SPAG16: variants seen among roughly 807,000 people sequenced by gnomAD.
SPAG16 encodes sperm associated antigen 16.
A neutral mutation model predicts 80.4 loss-of-function variants in SPAG16; 86 were observed. That is an observed-to-expected ratio of 1.07 (90% CI 0.90 to 1.28). SPAG16 has a LOEUF of 1.28. Ranked by LOEUF, SPAG16 falls within the 50% of genes most tolerant of loss-of-function variation. SPAG16 has a pLI of 0.00. For synonymous variants in SPAG16, 294 were observed against 265.9 expected (o/e 1.11, Z -1.03); for missense variants, 870 against 765.3 (o/e 1.14, Z -1.61).
intron 15 of SPAG16, among the ~76,000 whole-genome samples, chr2:214,313,090 A>G (rs1023803208): frequency 6.6e-6 from 1 of 152,270 alleles, no homozygotes; most frequent in South Asian, 2.1e-4. Context: ...CAACTTAACT[A>G]TAGATAAAAT....
chr2:213,803,545 A>C (rs528691853), intron 10 of SPAG16, among the ~76,000 whole-genome samples: 1 of 152,200 alleles, frequency 6.6e-6, no homozygotes, highest in Non-Finnish European at 1.5e-5. Flanking sequence ...TTTTTAAAAG[A>C]AAAAAACGTT....
intron 12 of SPAG16, among the ~76,000 whole-genome samples, chr2:213,963,394 CACGATTTCT>C (rs1324646382): frequency 7.9e-5 from 12 of 152,034 alleles, no homozygotes; most frequent in African/African-American, 1.9e-4. Flanking sequence ...GGTCAGAGAA[CACGATTTCT>C]ACGATTTCTA....
At chr2:214,263,551 A>G (rs1395712621) in intron 15 of SPAG16, among the ~76,000 whole-genome samples, 1 of 152,092 alleles carries the variant, frequency 6.6e-6, no homozygotes, top group Non-Finnish European at 1.5e-5. Context: ...GTTATACTTC[A>G]AGGTCTCAGG....
At chr2:214,022,566 C>T (rs1329412996) in intron 13 of SPAG16, among the ~76,000 whole-genome samples, 1 of 152,064 alleles carries the variant, frequency 6.6e-6, no homozygotes, top group Non-Finnish European at 1.5e-5. Context: ...AGTTGTCATG[C>T]CATATAATTG....
chr2:213,515,161 G>A (rs559841722), intron 10 of SPAG16, among the ~76,000 whole-genome samples: 4 of 147,460 alleles, frequency 2.7e-5, no homozygotes, highest in African/African-American at 5.4e-5. Flanking sequence ...TAAGTAGTAC[G>A]TATGTATATA....
chr2:213,695,956 G>A (rs76600168), intron 10 of SPAG16, among the ~76,000 whole-genome samples: 7 of 152,154 alleles, frequency 4.6e-5, no homozygotes, highest in Middle Eastern at 3.2e-3. Flanking sequence ...ATGGAGTTAC[G>A]TAAGGGTAGA....
At chr2:214,101,619 T>C (rs2053038621) in intron 13 of SPAG16, among the ~76,000 whole-genome samples, 1 of 152,042 alleles carries the variant, frequency 6.6e-6, no homozygotes, top group Non-Finnish European at 1.5e-5. Context: ...GGAGGAATAT[T>C]GGAAAGATTT....
At chr2:214,400,561 G>C (rs1028982001) in intron 15 of SPAG16, among the ~76,000 whole-genome samples, 7 of 151,856 alleles carry the variant, frequency 4.6e-5, no homozygotes, top group Non-Finnish European at 8.8e-5. Context: ...TGAAGAGTTT[G>C]GTATCTGTGG....
At chr2:214,101,209 G>C (rs1385120694) in intron 13 of SPAG16, among the ~76,000 whole-genome samples, 1 of 151,900 alleles carries the variant, frequency 6.6e-6, no homozygotes, top group African/African-American at 2.4e-5. Flanking sequence ...CTATTTTGAG[G>C]GAACAAGCTT....
At chr2:213,875,868 C>A (rs1423154593) in intron 11 of SPAG16, among the ~76,000 whole-genome samples, 1 of 151,992 alleles carries the variant, frequency 6.6e-6, no homozygotes, top group Non-Finnish European at 1.5e-5. Context: ...TATTTGATGT[C>A]TTTGATTGAT....
At chr2:213,524,098 C>T (rs978095625) in intron 10 of SPAG16, among the ~76,000 whole-genome samples, 1 of 152,132 alleles carries the variant, frequency 6.6e-6, no homozygotes, top group Non-Finnish European at 1.5e-5. Flanking sequence ...ACCAGGGCCC[C>T]CTTGCTGTGT....
intron 13 of SPAG16, among the ~76,000 whole-genome samples, chr2:214,037,865 G>GTATA (rs35448067): frequency 3.3e-5 from 1 of 30,254 alleles, no homozygotes; most frequent in African/African-American, 6.6e-5. Context: ...CAGAAGCCTG[G>GTATA]TGTGTGTGTG....
intron 15 of SPAG16, among the ~76,000 whole-genome samples, chr2:214,195,853 A>T (rs1033741859): frequency 6.6e-6 from 1 of 152,016 alleles, no homozygotes; most frequent in Non-Finnish European, 1.5e-5. Context: ...TATGAATTTG[A>T]AGTCACCAAC....
chr2:213,446,506 C>A (rs1170908358), intron 9 of SPAG16, among the ~76,000 whole-genome samples: 2 of 152,138 alleles, frequency 1.3e-5, no homozygotes, highest in Admixed American at 6.5e-5. Flanking sequence ...TCTAATACGG[C>A]TCCTTTGAAT....
chr2:214,097,882 C>A (rs923328744), intron 13 of SPAG16, among the ~76,000 whole-genome samples: 1 of 151,988 alleles, frequency 6.6e-6, no homozygotes, highest in Admixed American at 6.6e-5. Context: ...AAGCACTTTA[C>A]ACCAATTCAC....
chr2:213,482,951 T>A (rs192257402), intron 9 of SPAG16, among the ~76,000 whole-genome samples: 11 of 152,276 alleles, frequency 7.2e-5, no homozygotes, highest in Admixed American at 5.9e-4. Context: ...ATAGAAAAAT[T>A]TGAATATGCA....
At chr2:213,522,949 A>T (rs534840820) in intron 10 of SPAG16, among the ~76,000 whole-genome samples, 1 of 152,036 alleles carries the variant, frequency 6.6e-6, no homozygotes, top group African/African-American at 2.4e-5. Context: ...GGAGAGGCAG[A>T]GGCAACTAAT....
At chr2:214,376,185 C>T (rs1243397488) in intron 15 of SPAG16, among the ~76,000 whole-genome samples, 2 of 151,986 alleles carry the variant, frequency 1.3e-5, no homozygotes, top group African/African-American at 4.8e-5. Flanking sequence ...GATAGTGGAA[C>T]AATTCATGGC....
At chr2:214,379,707 G>C (rs1268865310) in intron 15 of SPAG16, among the ~76,000 whole-genome samples, 2 of 152,210 alleles carry the variant, frequency 1.3e-5, no homozygotes, top group Non-Finnish European at 2.9e-5. Context: ...CCTTAGGCCT[G>C]TTCTTTCCTT....
Sources: allele counts gnomAD v4.1 joint callset (sites outside exome capture counted in the v4.1 genomes callset), GRCh38; gene constraint gnomAD v4.1.1; transcripts MANE v1.5; gene names NCBI Gene and HGNC (gene_info 2026-07-23, HGNC 2026-07-21).